Variants in CRAMP1 observed in about 807,000 individuals in gnomAD.
CRAMP1 encodes the protein cramped chromatin regulator 1.
CRAMP1 carries 50 observed loss-of-function variants against 115.4 expected under a neutral mutation model. That is an observed-to-expected ratio of 0.43 (90% CI 0.35 to 0.55). The LOEUF (loss-of-function observed/expected upper bound fraction) is 0.55, where lower values mean the gene tolerates loss of function less well. CRAMP1 is among the 20% of genes least tolerant of loss of function. CRAMP1 has a pLI of 0.01. For missense variants in CRAMP1, 1,679 were observed against 1,721.7 expected, an observed-to-expected ratio of 0.98 and a Z score of 0.44; for synonymous variants, 866 against 745.4, an observed-to-expected ratio of 1.16 and a Z score of -2.64.
At chr16:1,660,158 C>A in intron 11 of CRAMP1, 95 bp downstream of exon 11, 1 of 1,142,308 alleles carries the variant, frequency 8.8e-7, no homozygotes, top group Non-Finnish European at 1.2e-6. Flanking sequence ...ACAGGTGTGC[C>A]TGAGGCCGGA....
At chr16:1,634,867 G>A (rs1004443979) in intron 4 of CRAMP1, among the ~76,000 whole-genome samples, 6 of 152,244 alleles carry the variant, frequency 3.9e-5, no homozygotes, top group Middle Eastern at 3.4e-3. Context: ...ACTTTTTCAC[G>A]TTACATGTAT....
intron 20 of CRAMP1, among the ~76,000 whole-genome samples, chr16:1,673,209 G>T (rs2036936867): frequency 6.8e-6 from 1 of 146,908 alleles, no homozygotes; most frequent in Non-Finnish European, 1.5e-5. Context: ...ATGGGAACGT[G>T]TCCCCCACCT....
At chr16:1,668,312 T>G (rs1307054844) in intron 18 of CRAMP1, 119 bp downstream of exon 18, 1 of 798,052 alleles carries the variant, frequency 1.3e-6, no homozygotes, top group African/African-American at 1.7e-5. Flanking sequence ...TGAAAACCTG[T>G]CACCTACAAG....
chr16:1,614,531 G>A lies in CRAMP1; in HGVS notation c.-1-108G>A, dbSNP rs2036399518. On this transcript the variant is annotated intron_variant, in intron 1 of 20. Coordinates refer to ENST00000397412, the MANE Select transcript of CRAMP1 (RefSeq NM_020825.4). The surrounding 1 kb of genome is among the most constrained non-coding windows in gnomAD (Gnocchi z 4.4). ...CGGGCGGGCCGGGCCGAGCCGCCGA[G>A]AGGGGATTTGGAACAAACAACGGCG... 1.6e-6 allele frequency: 1 copy of A among 607,052 alleles called. No individual in the cohort carries two copies. The highest frequency in any genetic ancestry group is 2.0e-5 in the African/African-American group (1 of 50,478). The allele number at this position is 607,052 out of a possible 1,614,324, so 37.6% of individuals were successfully genotyped here.
chr16:1,640,195 G>A (rs573466227), intron 5 of CRAMP1, among the ~76,000 whole-genome samples: 1 of 152,056 alleles, frequency 6.6e-6, no homozygotes, highest in South Asian at 2.1e-4. Flanking sequence ...CAGTTGTGCC[G>A]GCTGTGAATT....
intron 3 of CRAMP1, among the ~76,000 whole-genome samples, chr16:1,627,634 T>C (rs937726696): frequency 6.6e-6 from 1 of 152,214 alleles, no homozygotes; most frequent in African/African-American, 2.4e-5. Context: ...CCACCCCAGG[T>C]GGACCGGACT....
At chr16:1,624,593 T>C (rs1210958571) in intron 2 of CRAMP1, among the ~76,000 whole-genome samples, 1 of 151,936 alleles carries the variant, frequency 6.6e-6, no homozygotes. Flanking sequence ...TAATTTTTTC[T>C]TTTTTAGACG....
intron 2 of CRAMP1, among the ~76,000 whole-genome samples, chr16:1,624,032 C>G (rs1056053725): frequency 1.3e-5 from 2 of 152,172 alleles, no homozygotes; most frequent in Non-Finnish European, 2.9e-5. Context: ...GCTGTGAGTG[C>G]TGGACATTCA....
chr16:1,644,198 A>G (rs1449786182), intron 6 of CRAMP1, among the ~76,000 whole-genome samples: 1 of 151,880 alleles, frequency 6.6e-6, no homozygotes, highest in Non-Finnish European at 1.5e-5. Flanking sequence ...TTCTCACCTG[A>G]CTCTCTGGGC....
At position 1,626,024 on chromosome 16, in the gene CRAMP1, C is replaced by T; in HGVS notation, c.398C>T (p.Ala133Val). 1 of 1,551,694 alleles carries T rather than the reference C, an allele frequency of 6.4e-7. No individual in the cohort carries two copies. The highest frequency in any genetic ancestry group is 2.4e-5 in the East Asian group (1 of 40,912). Residue 133 changes from alanine (A) to valine (V), a missense_variant, in exon 3 of 21, where the codon GCT (alanine) becomes GTT (valine). Ala to Val is a moderately conservative substitution (Grantham distance 64, BLOSUM62 0). Transcript: ENST00000397412. ...GGAAATGTGTCTGGGGTTGCCCCTG[C>T]TGCCCCTGCAGGGGGCTCGCGCTCC... Reference protein sequence around the residue: ...SSGNVSGVAPAAPAGGSRSSS... With the variant: ...SSGNVSGVAPVAPAGGSRSSS...
At chr16:1,667,238 G>A (rs1040587586) in intron 16 of CRAMP1, 97 bp from the exon 17 acceptor site, 9 of 924,996 alleles carry the variant, frequency 9.7e-6, no homozygotes, top group Non-Finnish European at 1.6e-5. Flanking sequence ...AGGCCAGGGG[G>A]ATGGAACGCC....
At position 1,652,428 on chromosome 16, in the gene CRAMP1, G is replaced by C. The variant is rs8047492; in HGVS notation, c.828-68G>C. On this transcript the variant is annotated intron_variant, in intron 6 of 20. Transcript: ENST00000397412. The stretch of plus-strand genomic sequence containing the variant: ...ACCTGGCCTGGCTCAGCGCCTCTCC[G>C]TGTGCTGGCCCTTCCGTCCTTCTGT... The C allele has an allele frequency of 3.8e-3, 5,298 of 1,411,272 alleles. 182 individuals carry two copies. In the African/African-American group the frequency reaches 0.066, roughly 17 times the overall value. 87.4% of individuals were successfully genotyped at this position (1,411,272 alleles called of 1,614,324 possible).
chr16:1,617,566 G>A (rs2036431566), intron 2 of CRAMP1, among the ~76,000 whole-genome samples: 1 of 152,240 alleles, frequency 6.6e-6, no homozygotes, highest in South Asian at 2.1e-4. Context: ...TGGAAATGAT[G>A]TAACTTCTAT....
intron 7 of CRAMP1, among the ~76,000 whole-genome samples, 199 bp from the exon 8 acceptor site, chr16:1,652,834 T>G (rs1392723417): frequency 6.6e-6 from 1 of 152,220 alleles, no homozygotes; most frequent in Non-Finnish European, 1.5e-5. Context: ...ATGGCCTCTC[T>G]GGACCAGTCT....
In CRAMP1 at chr16:1,653,714, G is replaced by A. The variant is rs1260789921; in HGVS notation, c.1037+558G>A. Among the ~76,000 whole-genome samples, 10 of 151,892 alleles carry A rather than the reference G, an allele frequency of 6.6e-5. No individual in the cohort carries two copies. The South Asian group carries it at 1.7e-3, about 25-fold the overall frequency. On this transcript the variant is annotated intron_variant, in intron 8 of 20. Coordinates refer to ENST00000397412, the MANE Select transcript of CRAMP1 (RefSeq NM_020825.4). ...CAGGCGCCTGTAGTCCCAGCTACTC[G>A]GGAGGCTGAGGCAGGAGAATGACGT...
Position 1,671,509 on chromosome 16 carries a change from A to G in CRAMP1, c.3645+700A>G, listed in dbSNP as rs1257969830. 4.6e-5 allele frequency among the ~76,000 whole-genome samples: 7 copies of G among 152,222 alleles called. No individual in the cohort carries two copies. The highest frequency in any genetic ancestry group is 1.0e-4 in the Non-Finnish European group (7 of 68,036). On this transcript the variant is annotated intron_variant, in intron 20 of 20. Coordinates refer to ENST00000397412, the MANE Select transcript of CRAMP1 (RefSeq NM_020825.4). This position sits in a 1 kb window ranked among gnomAD's most constrained non-coding sequence, Gnocchi z 5.0. ...CAGGTCAGGCTTGCAGGGTGAAGAC[A>G]GGCCCGTTTCACTGTGACGTAAAGT...
At chr16:1,665,395 G>T (rs2036865999) in intron 14 of CRAMP1, among the ~76,000 whole-genome samples, 1 of 152,200 alleles carries the variant, frequency 6.6e-6, no homozygotes. Flanking sequence ...GAGGCGCTTG[G>T]CTTGGTTAGA....
chr16:1,673,801 C>T (rs1567464835), intron 20 of CRAMP1, 80 bp from the exon 21 acceptor site: 10 of 1,347,578 alleles, frequency 7.4e-6, no homozygotes, highest in East Asian at 2.3e-5. Flanking sequence ...AGGAGCTTCT[C>T]GTCCTGTTTC....
chr16:1,630,726 TG>T (rs1189932295), intron 3 of CRAMP1, among the ~76,000 whole-genome samples: 1 of 152,210 alleles, frequency 6.6e-6, no homozygotes, highest in Non-Finnish European at 1.5e-5. Flanking sequence ...GTTTTTTGTT[TG>T]CATGTTTTTT....
Sources: allele counts gnomAD v4.1 joint callset (sites outside exome capture counted in the v4.1 genomes callset), GRCh38; gene constraint gnomAD v4.1.1; non-coding constraint Gnocchi (gnomAD v3.1); transcripts MANE v1.5; gene names NCBI Gene and HGNC (gene_info 2026-07-23, HGNC 2026-07-21).